Variants in FHAD1 observed in about 807,000 individuals in gnomAD.
The protein encoded by FHAD1 is forkhead associated phosphopeptide binding domain 1, also known as forkhead-associated domain-containing protein 1.
A neutral mutation model predicts 191.3 loss-of-function variants in FHAD1; 146 were observed. The ratio of observed to expected loss-of-function variants is 0.76; its 90% CI spans 0.67 to 0.88. The LOEUF is 0.88. FHAD1 is among the 40% of genes least tolerant of loss of function. The pLI, the probability that FHAD1 is intolerant of heterozygous loss-of-function variation, is 0.00. For synonymous variants in FHAD1, 616 were observed against 672.3 expected (o/e 0.92, Z 1.29); for missense variants, 1,635 against 1,785.8 (o/e 0.92, Z 1.52).
At chr1:15,359,588 C>T (rs1694005778) in intron 21 of FHAD1, among the ~76,000 whole-genome samples, 1 of 152,010 alleles carries the variant, frequency 6.6e-6, no homozygotes, top group Non-Finnish European at 1.5e-5. Flanking sequence ...TGGCTCACAC[C>T]TGTAATCTCA....
At chr1:15,261,344 T>G (rs547001911) in intron 2 of FHAD1, among the ~76,000 whole-genome samples, 1 of 152,224 alleles carries the variant, frequency 6.6e-6, no homozygotes, top group African/African-American at 2.4e-5. Flanking sequence ...GACAAGAAGC[T>G]TCAGGAAAAG....
Position 15,391,236 on chromosome 1 carries a change from G to T in FHAD1, c.4296G>T (p.Lys1432Asn), listed in dbSNP as rs1243322827. Reference protein sequence around the residue: ...RQRRVFVEMVKNRMQNSNSQV... With the variant: ...RQRRVFVEMVNNRMQNSNSQV... ...GACGAGTATTTGTAGAGATGGTGAAGAACAGGATGCAGAACTCAAATTCCC... is the reference window on the plus strand; with the variant it reads ...GACGAGTATTTGTAGAGATGGTGAATAACAGGATGCAGAACTCAAATTCCC... The change falls in exon 33 of 34, where the codon AAG becomes AAT. Residue 1432 changes from lysine to asparagine, a missense_variant. Physicochemically the swap from Lys to Asn is moderately conservative, Grantham distance 94. Coordinates refer to ENST00000688493, the MANE Select transcript of FHAD1 (RefSeq NM_001391957.1). 2 of 1,287,972 alleles carry T rather than the reference G, an allele frequency of 1.6e-6. No homozygotes were observed. The highest frequency in any genetic ancestry group is 4.6e-5 in the Admixed American group (2 of 43,478). The allele number at this position is 1,287,972 out of a possible 1,614,324, so 79.8% of individuals were successfully genotyped here.
chr1:15,395,188 C>A (rs1326676156), intron 33 of FHAD1, among the ~76,000 whole-genome samples: 1 of 151,926 alleles, frequency 6.6e-6, no homozygotes, highest in Non-Finnish European at 1.5e-5. Context: ...CTGGCGGGCA[C>A]CTGTTGTCCC....
rs145429459 is a variant in FHAD1, at chr1:15,288,198, A to T, written c.301-1201A>T. ...CCTCACTTCTAACAGGAATAAGGAG[A>T]ACCCTCACACAAAGGGTCATGGTGA... On this transcript the variant is annotated intron_variant, in intron 3 of 33. Coordinates refer to ENST00000688493, the MANE Select transcript of FHAD1 (RefSeq NM_001391957.1). Among the ~76,000 whole-genome samples, 10 of 152,300 alleles carry T rather than the reference A, an allele frequency of 6.6e-5. No homozygotes were observed. In the East Asian group the frequency reaches 1.9e-3, roughly 29 times the overall value.
intron 33 of FHAD1, among the ~76,000 whole-genome samples, chr1:15,392,468 C>G (rs1041498663): frequency 6.6e-6 from 1 of 151,970 alleles, no homozygotes; most frequent in Non-Finnish European, 1.5e-5. Flanking sequence ...GGAGGCGGAG[C>G]TTGCAGTGAG....
chr1:15,354,400 T>C (rs981065422), intron 20 of FHAD1, among the ~76,000 whole-genome samples: 3 of 152,150 alleles, frequency 2.0e-5, no homozygotes, highest in African/African-American at 7.2e-5. Context: ...CTTGAGTAAC[T>C]GGCATGTGTC....
intron 20 of FHAD1, among the ~76,000 whole-genome samples, chr1:15,355,073 G>A (rs936009265): frequency 6.6e-6 from 1 of 152,180 alleles, no homozygotes; most frequent in Admixed American, 6.5e-5. Context: ...GCCAGGCATG[G>A]TGGTGCATGC....
At chr1:15,376,761 TGTG>T (rs1177985428) in intron 28 of FHAD1, among the ~76,000 whole-genome samples, 1 of 152,200 alleles carries the variant, frequency 6.6e-6, no homozygotes, top group African/African-American at 2.4e-5. Context: ...ATAGGCCAGG[TGTG>T]GTGGCTCACG....
rs1412089917 is a variant in FHAD1 at position 15,388,060 on chromosome 1, GA to G, written c.4199del (p.Glu1400GlyfsTer5). On this transcript the variant is annotated frameshift_variant, in exon 32 of 34. Transcript: ENST00000688493. LOFTEE classifies it high-confidence loss of function. ...RAIRQQKESV[E>X]EHELRNAKES... ...GATACTTTTCACTCAGGAAAGTGTA[GA>G]GGAGCACGAACTGAGAAACGCAAAA... 7.8e-7 allele frequency: 1 copy of G among 1,289,510 alleles called. No individual in the cohort carries two copies. Among genetic ancestry groups the G allele is most frequent in the Non-Finnish European group, 1.0e-6 (1 of 988,616 alleles). 79.9% of individuals were successfully genotyped at this position (1,289,510 alleles called of 1,614,324 possible).
chr1:15,250,745 A>G (rs1460382459), intron 1 of FHAD1, among the ~76,000 whole-genome samples: 6 of 152,228 alleles, frequency 3.9e-5, no homozygotes. Flanking sequence ...AGGCTGAGGC[A>G]GGAGGATCAG....
At chr1:15,360,060 C>G (rs1054625655) in intron 21 of FHAD1, among the ~76,000 whole-genome samples, 3 of 152,162 alleles carry the variant, frequency 2.0e-5, no homozygotes, top group Non-Finnish European at 4.4e-5. Flanking sequence ...TTGCAGTGAG[C>G]CAAGATAGTG....
chr1:15,339,669 C>A (rs1430227194), intron 15 of FHAD1, 118 bp downstream of exon 15: 2 of 352,220 alleles, frequency 5.7e-6, no homozygotes, highest in Non-Finnish European at 1.1e-5. Context: ...CCACACCCTC[C>A]AATAGGTGAA....
chr1:15,324,419 A>G, intron 10 of FHAD1, 33 bp from the exon 11 acceptor site: 1 of 1,473,448 alleles, frequency 6.8e-7, no homozygotes, highest in Non-Finnish European at 9.3e-7. Flanking sequence ...TGATCACATT[A>G]GCAGCAAGTA....
chr1:15,387,283 A>C (rs1702368158), intron 31 of FHAD1, among the ~76,000 whole-genome samples: 1 of 152,102 alleles, frequency 6.6e-6, no homozygotes, highest in Admixed American at 6.5e-5. Context: ...TATTTTCAAG[A>C]TCCTGGTTTC....
intron 4 of FHAD1, 49 bp from the exon 5 acceptor site, chr1:15,296,635 A>G (rs1204509742): frequency 6.9e-7 from 1 of 1,451,762 alleles, no homozygotes; most frequent in Admixed American, 2.0e-5. Flanking sequence ...TTCAGGCCTC[A>G]GGGAAACTCA....
chr1:15,389,103 C>T (rs940877606), intron 32 of FHAD1, among the ~76,000 whole-genome samples: 2 of 152,190 alleles, frequency 1.3e-5, no homozygotes, highest in Admixed American at 1.3e-4. Flanking sequence ...AACATCCTCA[C>T]ATCTTGTTTC....
intron 14 of FHAD1, among the ~76,000 whole-genome samples, chr1:15,333,824 C>CTTTTTTTTTTTTT (rs55698715): frequency 3.1e-5 from 2 of 64,802 alleles, no homozygotes; most frequent in African/African-American, 5.9e-5. Context: ...TTTTATTTAT[C>CTTTTTTTTTTTTT]TTTTTTTTTT....
At chr1:15,380,877 A>C in intron 29 of FHAD1, 81 bp downstream of exon 29, 1 of 991,500 alleles carries the variant, frequency 1.0e-6, no homozygotes, top group Non-Finnish European at 1.5e-6. Context: ...GATAGTTTAA[A>C]TATCAACCTC....
chr1:15,269,310 T>G (rs1443028995), intron 2 of FHAD1, among the ~76,000 whole-genome samples: 1 of 152,206 alleles, frequency 6.6e-6, no homozygotes, highest in Non-Finnish European at 1.5e-5. Context: ...GGCTATAAAT[T>G]TCCCTGTAAG....
Sources: gnomAD v4.1 joint callset for allele counts (sites outside exome capture counted in the v4.1 genomes callset) on GRCh38, gnomAD v4.1.1 for gene constraint, MANE v1.5 for transcripts, NCBI Gene and HGNC (gene_info 2026-07-23, HGNC 2026-07-21) for gene names.